UBE3B: variants seen among roughly 807,000 people sequenced by gnomAD.
UBE3B encodes ubiquitin-protein ligase E3B.
In UBE3B, 80 loss-of-function variants were observed where a neutral mutation model predicts 132.3. That is an observed-to-expected ratio of 0.60 (90% confidence interval 0.50 to 0.73). The LOEUF is 0.73. Among genes scored for constraint, UBE3B ranks in the 30% least tolerant of loss-of-function variants. The pLI, the probability that UBE3B is intolerant of heterozygous loss-of-function variation, is 0.00. For missense variants in UBE3B, 1,196 were observed against 1,362.5 expected (o/e 0.88, Z 1.92); for synonymous variants, 487 against 520.4 (o/e 0.94, Z 0.87).
chr12:109,502,652 C>T (rs991527034), intron 13 of UBE3B, among the ~76,000 whole-genome samples: 2 of 152,096 alleles, frequency 1.3e-5, no homozygotes, highest in African/African-American at 2.4e-5. Flanking sequence ...TCTAAAGGCA[C>T]AGAAAATAGA....
At chr12:109,537,889 A>T (rs1429345121), downstream of UBE3B, among the ~76,000 whole-genome samples, 2 of 152,002 alleles carry the variant, frequency 1.3e-5, no homozygotes, top group African/African-American at 4.8e-5. Context: ...TATTTTTAGG[A>T]GAGACAGGGT....
chr12:109,502,558 A>G (rs928978670), intron 13 of UBE3B, among the ~76,000 whole-genome samples: 4 of 152,228 alleles, frequency 2.6e-5, no homozygotes, highest in African/African-American at 4.8e-5. Context: ...CTCCAGCAGG[A>G]TATCAATGGG....
downstream of UBE3B, among the ~76,000 whole-genome samples, chr12:109,539,479 G>A (rs192850952): frequency 2.8e-4 from 43 of 152,264 alleles, no homozygotes; most frequent in East Asian, 8.1e-3. Context: ...CAGCTCTGCC[G>A]CCCACGATCT....
chr12:109,492,246 C>T (rs983157552), intron 9 of UBE3B: 7 of 152,206 alleles, frequency 4.6e-5, no homozygotes, highest in African/African-American at 1.7e-4. Context: ...AATGAAAATT[C>T]ATTTAAGTTA....
chr12:109,479,593 A>G (rs1420043969), intron 1 of UBE3B, among the ~76,000 whole-genome samples: 1 of 152,246 alleles, frequency 6.6e-6, no homozygotes, highest in African/African-American at 2.4e-5. Flanking sequence ...TAGCAAAATA[A>G]GTACTTAATA....
At chr12:109,536,983 A>G (rs1200991859), downstream of UBE3B, among the ~76,000 whole-genome samples, 2 of 152,150 alleles carry the variant, frequency 1.3e-5, no homozygotes, top group Non-Finnish European at 2.9e-5. Flanking sequence ...GGTTGGGTGT[A>G]TATCTTTGCA....
chr12:109,481,174 G>C (rs950038891), intron 1 of UBE3B, among the ~76,000 whole-genome samples: 3 of 151,802 alleles, frequency 2.0e-5, no homozygotes, highest in Admixed American at 2.0e-4. Flanking sequence ...AACTGAGATA[G>C]GGTATGGTGG....
chr12:109,505,809 A>G (rs556842452), intron 14 of UBE3B, among the ~76,000 whole-genome samples: 16 of 152,254 alleles, frequency 1.1e-4, no homozygotes, highest in Non-Finnish European at 1.8e-4. Context: ...GAGTTCCCCC[A>G]ACTCCCACTG....
intron 11 of UBE3B, among the ~76,000 whole-genome samples, chr12:109,499,334 C>A (rs1267322367): frequency 6.6e-6 from 1 of 152,222 alleles, no homozygotes; most frequent in South Asian, 2.1e-4. Context: ...CCTGCCACTT[C>A]ATCCTCATAT....
Position 109,501,489 on chromosome 12 carries a change from G to T in UBE3B, c.1237G>T (p.Ala413Ser), listed in dbSNP as rs763443089. Residue 413 changes from alanine to serine, a missense_variant, in exon 13 of 28, where the codon GCC (alanine) becomes TCC (serine). By Grantham distance (99) the Ala-to-Ser change is moderately conservative. Coordinates refer to ENST00000342494, the MANE Select transcript of UBE3B (RefSeq NM_130466.4). ...GAAGCTACTGGAGAGCCAGGAGCCA[G>T]CCCACGCACAGCCAGCATCCCCTCA... Reference protein sequence around the residue: ...SKKLLESQEPAHAQPASPQNV... With the variant: ...SKKLLESQEPSHAQPASPQNV... The T allele has an allele frequency of 6.2e-7, 1 of 1,614,204 alleles. No homozygotes were observed. The highest frequency in any genetic ancestry group is 1.1e-5 in the South Asian group (1 of 91,090).
chr12:109,511,397 T>A, intron 18 of UBE3B, 94 bp downstream of exon 18: 1 of 1,117,110 alleles, frequency 9.0e-7, no homozygotes, highest in Non-Finnish European at 1.3e-6. Flanking sequence ...TGGAGGTGAC[T>A]AAGTGGGATC....
chr12:109,503,326 C>A, intron 14 of UBE3B, 136 bp downstream of exon 14: 1 of 1,155,170 alleles, frequency 8.7e-7, no homozygotes, highest in Non-Finnish European at 1.2e-6. Flanking sequence ...AGCTGTTCCT[C>A]TTAGAGATTA....
intron 18 of UBE3B, among the ~76,000 whole-genome samples, chr12:109,514,022 C>T (rs931022069): frequency 1.3e-5 from 2 of 152,196 alleles, no homozygotes; most frequent in Non-Finnish European, 2.9e-5. Flanking sequence ...AATGTTGAAC[C>T]TCTCCCTTGT....
chr12:109,479,277 C>G (rs1224069270), intron 1 of UBE3B, among the ~76,000 whole-genome samples: 1 of 152,198 alleles, frequency 6.6e-6, no homozygotes, highest in Middle Eastern at 3.2e-3. Flanking sequence ...ATAAAGCTCA[C>G]TTACATGCTA....
chr12:109,490,277 AC>A, intron 8 of UBE3B: 1 of 1,089,434 alleles, frequency 9.2e-7, no homozygotes, highest in Admixed American at 2.4e-5. Context: ...CTGGAAGGAG[AC>A]CTCAGGGCTT....
intron 12 of UBE3B, among the ~76,000 whole-genome samples, chr12:109,500,516 C>A (rs981879153): frequency 3.9e-5 from 6 of 152,170 alleles, no homozygotes; most frequent in Non-Finnish European, 1.5e-5. Flanking sequence ...AGTGACATCC[C>A]TGGGTCCTAT....
chr12:109,481,104 CAAA>C (rs1344961435), intron 1 of UBE3B, among the ~76,000 whole-genome samples: 1 of 104,846 alleles, frequency 9.5e-6, no homozygotes, highest in Admixed American at 1.0e-4. Flanking sequence ...GACTCCGTCT[CAAA>C]AAAAAAAAAA....
chr12:109,485,929 G>A, intron 4 of UBE3B, 83 bp from the exon 5 acceptor site: 1 of 1,491,300 alleles, frequency 6.7e-7, no homozygotes, highest in Non-Finnish European at 9.1e-7. Context: ...CACGTGCCAG[G>A]TACCCGCTGA....
Position 109,533,240 on chromosome 12 carries a change from G to A in UBE3B, c.2923-226G>A, listed in dbSNP as rs374991203. On this transcript the variant is annotated intron_variant, in intron 26 of 27. Transcript: ENST00000342494. Reference sequence around the variant, plus strand: ...CACAAGTGGCCAGTCGCACCTATTGGGTATGGGTTTCATGTGTCTTAGTCC... The same window carrying A: ...CACAAGTGGCCAGTCGCACCTATTGAGTATGGGTTTCATGTGTCTTAGTCC... Among the ~76,000 whole-genome samples, 4 of 152,258 alleles carry A rather than the reference G, an allele frequency of 2.6e-5. No homozygotes were observed. In the South Asian group the frequency reaches 6.2e-4, roughly 24 times the overall value.
Sources: allele counts gnomAD v4.1 joint callset (sites outside exome capture counted in the v4.1 genomes callset), GRCh38; gene constraint gnomAD v4.1.1; transcripts MANE v1.5; gene names NCBI Gene and HGNC (gene_info 2026-07-23, HGNC 2026-07-21).